Variants in TUSC3 observed in about 807,000 individuals in gnomAD.
The protein encoded by TUSC3 is tumor suppressor candidate 3.
In TUSC3, 45 loss-of-function variants were observed where a neutral mutation model predicts 44.8. That is an observed-to-expected ratio of 1.00 (90% CI 0.79 to 1.29). The LOEUF (loss-of-function observed/expected upper bound fraction) is 1.29, where lower values mean the gene tolerates loss of function less well. TUSC3 is among the 50% of genes most tolerant of loss of function. The pLI is 0.00. For missense variants in TUSC3, 519 were observed against 437.9 expected (o/e 1.19, Z -1.65); for synonymous variants, 212 against 152.9 (o/e 1.39, Z -2.85).
chr8:15,800,924 A>C, the TUSC3 span, among the ~76,000 whole-genome samples: 4 of 152,158 alleles, frequency 2.6e-5, no homozygotes, highest in African/African-American at 9.7e-5. Context: ...TTTTCTGGTC[A>C]CTTAATCATC....
the TUSC3 span, among the ~76,000 whole-genome samples, chr8:15,807,852 G>A: frequency 1.3e-5 from 2 of 152,086 alleles, no homozygotes; most frequent in Non-Finnish European, 2.9e-5. Context: ...ATAGACACTG[G>A]GGACTCACAG....
At chr8:15,487,903 T>TTA (rs1444295526) in intron 2 of TUSC3, among the ~76,000 whole-genome samples, 1 of 151,070 alleles carries the variant, frequency 6.6e-6, no homozygotes, top group Non-Finnish European at 1.5e-5. Flanking sequence ...CTGGCAATTT[T>TTA]TTTTTTTTTT....
chr8:15,534,218 T>C (rs1220527550), intron 2 of TUSC3, among the ~76,000 whole-genome samples: 3 of 152,160 alleles, frequency 2.0e-5, no homozygotes, highest in Non-Finnish European at 4.4e-5. Context: ...AGTTGCAAGA[T>C]AAAATAATAA....
intron 1 of TUSC3, among the ~76,000 whole-genome samples, chr8:15,568,539 A>G (rs1802756304): frequency 6.6e-6 from 1 of 152,200 alleles, no homozygotes; most frequent in Admixed American, 6.5e-5. Context: ...ATAAACATGA[A>G]AGACATTTAT....
At chr8:15,628,177 A>G (rs935146886) in intron 2 of TUSC3, among the ~76,000 whole-genome samples, 1 of 152,222 alleles carries the variant, frequency 6.6e-6, no homozygotes, top group Non-Finnish European at 1.5e-5. Flanking sequence ...TGATTTCCTA[A>G]AATCACTAGT....
chr8:15,433,016 C>T (rs1799889513), intron 1 of TUSC3, among the ~76,000 whole-genome samples: 1 of 152,148 alleles, frequency 6.6e-6, no homozygotes, highest in Non-Finnish European at 1.5e-5. Context: ...GGGGATTCTT[C>T]TGCAATTCCC....
intron 10 of TUSC3, among the ~76,000 whole-genome samples, chr8:15,760,410 G>A (rs1334442337): frequency 6.6e-6 from 1 of 152,108 alleles, no homozygotes; most frequent in Admixed American, 6.6e-5. Context: ...CACCTATGTA[G>A]TAATATCAAT....
intron 8 of TUSC3, among the ~76,000 whole-genome samples, chr8:15,746,785 T>C (rs777435159): frequency 1.2e-4 from 19 of 152,102 alleles, no homozygotes; most frequent in Non-Finnish European, 2.4e-4. Context: ...ACGTGTTAGA[T>C]AAAATGACAG....
At chr8:15,630,490 AAGTT>A (rs1805710762) in intron 2 of TUSC3, among the ~76,000 whole-genome samples, 1 of 152,252 alleles carries the variant, frequency 6.6e-6, no homozygotes, top group African/African-American at 2.4e-5. Flanking sequence ...ATTATTGTGA[AAGTT>A]AGATATGAAC....
At chr8:15,750,634 A>C (rs996590965) in intron 9 of TUSC3, among the ~76,000 whole-genome samples, 1 of 152,062 alleles carries the variant, frequency 6.6e-6, no homozygotes, top group Non-Finnish European at 1.5e-5. Context: ...GAAACTACCC[A>C]GAAAGCTTTG....
intron 3 of TUSC3, among the ~76,000 whole-genome samples, chr8:15,657,835 A>G (rs1458091569): frequency 6.6e-6 from 1 of 152,208 alleles, no homozygotes; most frequent in African/African-American, 2.4e-5. Context: ...AGACTGGATA[A>G]GTATAATGAA....
chr8:15,675,754 G>T (rs1169372298), intron 6 of TUSC3, among the ~76,000 whole-genome samples: 1 of 152,028 alleles, frequency 6.6e-6, no homozygotes, highest in Non-Finnish European at 1.5e-5. Context: ...CCATATTGCT[G>T]CAAAGGACAT....
chr8:15,490,255 T>G (rs775913720), intron 2 of TUSC3, among the ~76,000 whole-genome samples: 3 of 152,160 alleles, frequency 2.0e-5, no homozygotes, highest in Non-Finnish European at 2.9e-5. Context: ...GAAGAGACAC[T>G]GTTACCAGAG....
At chr8:15,770,048 C>G (rs1453721098), downstream of TUSC3, among the ~76,000 whole-genome samples, 2 of 152,154 alleles carry the variant, frequency 1.3e-5, no homozygotes, top group African/African-American at 4.8e-5. Context: ...TTTGACCCAG[C>G]AATCCCATTA....
intron 1 of TUSC3, among the ~76,000 whole-genome samples, chr8:15,463,624 G>C (rs569282233): frequency 6.6e-6 from 1 of 152,194 alleles, no homozygotes; most frequent in Admixed American, 6.6e-5. Flanking sequence ...AACTTTTTCA[G>C]ATCATGAAGC....
At chr8:15,732,303 T>C (rs566006597) in intron 7 of TUSC3, among the ~76,000 whole-genome samples, 53 of 152,244 alleles carry the variant, frequency 3.5e-4, no homozygotes, top group South Asian at 1.7e-3. Context: ...GGGTGGGTTT[T>C]TCCCATGATG....
intron 1 of TUSC3, among the ~76,000 whole-genome samples, chr8:15,545,824 A>T (rs939581811): frequency 8.6e-5 from 13 of 151,666 alleles, no homozygotes; most frequent in Non-Finnish European, 1.3e-4. Context: ...TCGATTTTAG[A>T]TGTGAGTGTG....
In TUSC3 at chr8:15,758,346, T is replaced by C. The variant is rs567381696; in HGVS notation, c.*46+491T>C. 9.3e-6 allele frequency: 5 copies of C among 535,678 alleles called. No homozygotes were observed. The East Asian group carries it at 7.4e-4, about 79-fold the overall frequency. 33.2% of individuals were successfully genotyped at this position (535,678 alleles called of 1,614,324 possible). On this transcript the variant is annotated intron_variant, in intron 10 of 10. Transcript: ENST00000503731. The stretch of plus-strand genomic sequence containing the variant: ...ATTCAGAAACAGATAGTAGGTACTT[T>C]ATTTATATATATATAAAATTACTGT...
At chr8:15,672,136 C>G (rs1167581301) in intron 5 of TUSC3, among the ~76,000 whole-genome samples, 4 of 151,902 alleles carry the variant, frequency 2.6e-5, no homozygotes, top group South Asian at 2.1e-4. Flanking sequence ...AGAAGAGTGG[C>G]CTGAATGGAG....
Sources: gnomAD v4.1 joint callset for allele counts (sites outside exome capture counted in the v4.1 genomes callset) on GRCh38, gnomAD v4.1.1 for gene constraint, MANE v1.5 for transcripts, NCBI Gene and HGNC (gene_info 2026-07-23, HGNC 2026-07-21) for gene names.